XYLT1: variants seen among roughly 807,000 people sequenced by gnomAD.
XYLT1 encodes the protein beta-D-xylosyltransferase 1.
XYLT1 carries 36 observed loss-of-function variants against 91.3 expected under a neutral mutation model. The observed-to-expected ratio is 0.39, with a 90% CI of 0.30 to 0.52. The LOEUF is 0.52. Ranked by LOEUF, XYLT1 falls within the 20% of genes least tolerant of loss-of-function variation. XYLT1 has a pLI of 0.68. For missense variants in XYLT1, 1,242 were observed against 1,284.5 expected, an observed-to-expected ratio of 0.97 and a Z score of 0.51; for synonymous variants, 588 against 532.0, an observed-to-expected ratio of 1.11 and a Z score of -1.45.
intron 1 of XYLT1, 93 bp downstream of exon 1, chr16:17,470,341 T>A: frequency 8.4e-7 from 1 of 1,190,630 alleles, no homozygotes; most frequent in Non-Finnish European, 1.0e-6. Context: ...AGAGTCCCAG[T>A]CTGATGACCG....
At chr16:17,130,183 C>T (rs1466050534) in intron 9 of XYLT1, among the ~76,000 whole-genome samples, 3 of 152,256 alleles carry the variant, frequency 2.0e-5, no homozygotes, top group South Asian at 2.1e-4. Flanking sequence ...AGCCACCTCC[C>T]GACTTGCAGT....
intron 1 of XYLT1, among the ~76,000 whole-genome samples, chr16:17,377,953 A>T (rs2141880555): frequency 6.6e-6 from 1 of 152,334 alleles, no homozygotes; most frequent in South Asian, 2.1e-4. Flanking sequence ...CAAAGGGAAG[A>T]ACTGAGGCTT....
chr16:17,237,189 G>A (rs1214590003), intron 3 of XYLT1, among the ~76,000 whole-genome samples: 2 of 152,164 alleles, frequency 1.3e-5, no homozygotes, highest in African/African-American at 4.8e-5. Flanking sequence ...CCATAAAGTA[G>A]AAATACTGGT....
intron 2 of XYLT1, among the ~76,000 whole-genome samples, chr16:17,315,264 A>T (rs1271505137): frequency 6.6e-5 from 10 of 152,138 alleles, no homozygotes; most frequent in Non-Finnish European, 1.3e-4. Flanking sequence ...CCCTCCCTCC[A>T]GCTACCCTGG....
chr16:17,113,582 C>G (rs6498662), intron 11 of XYLT1, among the ~76,000 whole-genome samples: 136,431 of 152,138 alleles, frequency 0.9, 61,989 homozygotes, highest in Middle Eastern at 0.97. Context: ...TCCCCCTTCT[C>G]CTGCCTAATG....
intron 5 of XYLT1, among the ~76,000 whole-genome samples, chr16:17,159,626 T>A (rs1023158774): frequency 6.6e-6 from 1 of 152,210 alleles, no homozygotes; most frequent in Admixed American, 6.5e-5. Flanking sequence ...CTTTGAGCAA[T>A]GAATGCATCA....
rs77162866 is a variant in XYLT1, at chr16:17,114,569, T to C, written c.2557+3077A>G. Among the ~76,000 whole-genome samples the C allele has an allele frequency of 5.2e-3, 799 of 152,284 alleles. 6 individuals are homozygous for C. The highest frequency in any genetic ancestry group is 0.016 in the African/African-American group (684 of 41,550). ...CAGTGTGAGAGCAGAGGAAAAGTGG[T>C]TTGAGAGTTTTTCCCAAACAACTCC... is the stretch of plus-strand genomic sequence containing the variant. On this transcript the variant is annotated intron_variant, in intron 11 of 11. Transcript: ENST00000261381.
At chr16:17,377,320 C>A (rs1048121464) in intron 1 of XYLT1, among the ~76,000 whole-genome samples, 12 of 152,286 alleles carry the variant, frequency 7.9e-5, no homozygotes, top group Admixed American at 3.3e-4. Flanking sequence ...TTAACCTGCC[C>A]ATCAAACAGA....
chr16:17,259,642 G>T (rs1014520919), intron 2 of XYLT1, 144 bp from the exon 3 acceptor site: 5 of 963,662 alleles, frequency 5.2e-6, no homozygotes, highest in Non-Finnish European at 7.5e-6. Context: ...TTAACCTCTG[G>T]TAAGATGGCT....
intron 5 of XYLT1, among the ~76,000 whole-genome samples, chr16:17,160,775 C>G (rs1367101659): frequency 6.6e-6 from 1 of 152,190 alleles, no homozygotes; most frequent in East Asian, 1.9e-4. Context: ...GCCTCCGACA[C>G]TGTTACCTGT....
chr16:17,207,445 C>A (rs1460324213), intron 3 of XYLT1, among the ~76,000 whole-genome samples: 1 of 152,184 alleles, frequency 6.6e-6, no homozygotes, highest in Non-Finnish European at 1.5e-5. Context: ...AGCCTTGCCC[C>A]TGGACCTGGT....
intron 2 of XYLT1, among the ~76,000 whole-genome samples, chr16:17,342,676 C>T (rs201457534): frequency 1.3e-5 from 2 of 151,986 alleles, no homozygotes; most frequent in African/African-American, 2.4e-5. Flanking sequence ...GAGCCGAGAT[C>T]GCACCATTGC....
At chr16:17,151,744 C>T (rs1443492136) in intron 6 of XYLT1, among the ~76,000 whole-genome samples, 3 of 152,156 alleles carry the variant, frequency 2.0e-5, no homozygotes, top group South Asian at 4.1e-4. Context: ...GATGCCATCC[C>T]GGCCTCCAAT....
rs551025574 is a variant in XYLT1 at position 17,138,492 on chromosome 16, C to T, written c.1627G>A (p.Asp543Asn). 25 of 1,613,994 alleles carry T rather than the reference C, an allele frequency of 1.5e-5. No individual in the cohort carries two copies. The highest frequency in any genetic ancestry group is 1.7e-4 in the Middle Eastern group (1 of 6,056). The change falls in exon 8 of 12, where the codon GAC becomes AAC. Residue 543 changes from aspartate to asparagine, a missense_variant. By Grantham distance (23) the Asp-to-Asn change is conservative. Coordinates refer to ENST00000261381, the MANE Select transcript of XYLT1 (RefSeq NM_022166.4). Reference sequence around the variant, plus strand: ...CGCAGGTTGTTGTCCACCATGGTGTCGCAGTGGGGGCTGTTCTCCAGGACC... The same window carrying T: ...CGCAGGTTGTTGTCCACCATGGTGTTGCAGTGGGGGCTGTTCTCCAGGACC... ...HTVLENSPHC[D>N]TMVDNNLRIT...
At chr16:17,128,580 TTC>T (rs1465951949) in intron 9 of XYLT1, among the ~76,000 whole-genome samples, 3 of 152,252 alleles carry the variant, frequency 2.0e-5, no homozygotes, top group African/African-American at 7.2e-5. Context: ...TACTGATTTA[TTC>T]TCTCACAGTC....
At chr16:17,178,120 C>T (rs570223924) in intron 5 of XYLT1, among the ~76,000 whole-genome samples, 6 of 152,174 alleles carry the variant, frequency 3.9e-5, no homozygotes, top group South Asian at 2.1e-4. Context: ...AGGAACTCTG[C>T]GGGGCTGGAT....
In XYLT1 at chr16:17,392,275, C is replaced by T. The variant is rs73525178; in HGVS notation, c.364-34225G>A. Among the ~76,000 whole-genome samples, 343 of 152,242 alleles carry T rather than the reference C, an allele frequency of 2.3e-3. 3 individuals are homozygous for T. The highest frequency in any genetic ancestry group is 7.8e-3 in the African/African-American group (325 of 41,532). ...ATGGCCAAAGGTTTCTAGAACATTC[C>T]ATTCTCTCTGCCGCCTCAAGGCCAT... is the stretch of plus-strand genomic sequence containing the variant. On this transcript the variant is annotated intron_variant, in intron 1 of 11. Coordinates refer to ENST00000261381, the MANE Select transcript of XYLT1 (RefSeq NM_022166.4).
At chr16:17,397,461 A>G (rs1034641153) in intron 1 of XYLT1, among the ~76,000 whole-genome samples, 2 of 152,070 alleles carry the variant, frequency 1.3e-5, no homozygotes, top group African/African-American at 4.8e-5. Flanking sequence ...AACTCTGACG[A>G]TCTGGCAACC....
At chr16:17,114,079 C>A (rs754197566) in intron 11 of XYLT1, among the ~76,000 whole-genome samples, 3 of 152,208 alleles carry the variant, frequency 2.0e-5, no homozygotes, top group African/African-American at 7.2e-5. Context: ...ACAGATTCAT[C>A]CACCTGTTGG....
Sources: allele counts gnomAD v4.1 joint callset (sites outside exome capture counted in the v4.1 genomes callset), GRCh38; gene constraint gnomAD v4.1.1; transcripts MANE v1.5; gene names NCBI Gene and HGNC (gene_info 2026-07-23, HGNC 2026-07-21).